Variants in FUT8 observed in about 807,000 individuals in gnomAD.
FUT8 encodes alpha-(1,6)-fucosyltransferase.
A neutral mutation model predicts 71.3 loss-of-function variants in FUT8; 29 were observed. The ratio of observed to expected loss-of-function variants is 0.41; its 90% CI spans 0.30 to 0.55. FUT8 has a LOEUF of 0.55. Among genes scored for constraint, FUT8 ranks in the 20% least tolerant of loss-of-function variants. The pLI is 0.34. For synonymous variants in FUT8, 254 were observed against 239.3 expected (o/e 1.06, Z -0.57); for missense variants, 544 against 702.1 (o/e 0.77, Z 2.55).
rs1050079840 is a variant in FUT8, at chr14:65,701,339, G to A, written c.836-20436G>A. On this transcript the variant is annotated intron_variant, in intron 7 of 10. Transcript: ENST00000673929. The stretch of plus-strand genomic sequence containing the variant: ...GTGCTTTAATGTTTAATGGTTGGAA[G>A]TAAGTGTTTAAATAGATAATAGGAA... Among the ~76,000 whole-genome samples the A allele has an allele frequency of 3.3e-5, 5 of 152,190 alleles. No individual in the cohort carries two copies. The East Asian group carries it at 7.7e-4, about 23-fold the overall frequency.
At chr14:65,395,983 G>T in the FUT8 span, among the ~76,000 whole-genome samples, 1 of 152,144 alleles carries the variant, frequency 6.6e-6, no homozygotes, top group Admixed American at 6.5e-5. Flanking sequence ...AGTTCCACAA[G>T]TCTCTAGGGC....
At chr14:65,599,811 GC>G (rs1338357781) in intron 3 of FUT8, among the ~76,000 whole-genome samples, 1 of 152,114 alleles carries the variant, frequency 6.6e-6, no homozygotes, top group Non-Finnish European at 1.5e-5. Context: ...TCTTAATAAA[GC>G]CATTAACTAC....
intron 7 of FUT8, among the ~76,000 whole-genome samples, chr14:65,680,948 C>T (rs933038363): frequency 6.6e-6 from 1 of 152,300 alleles, no homozygotes; most frequent in Non-Finnish European, 1.5e-5. Context: ...AAATGTATTC[C>T]TTGAAAGTTT....
chr14:65,696,712 C>G (rs1003015270), intron 7 of FUT8, among the ~76,000 whole-genome samples: 3 of 152,012 alleles, frequency 2.0e-5, no homozygotes, highest in African/African-American at 7.2e-5. Flanking sequence ...TGTATGTCCA[C>G]CTTTTGTAAA....
intron 10 of FUT8, 91 bp from the exon 11 acceptor site, chr14:65,742,002 C>T (rs1457380497): frequency 9.8e-7 from 1 of 1,023,040 alleles, no homozygotes; most frequent in Admixed American, 2.1e-5. Flanking sequence ...ACCTCTTACT[C>T]CTAGAGCCCA....
At chr14:65,740,250 G>A (rs1460715159) in intron 10 of FUT8, among the ~76,000 whole-genome samples, 3 of 151,918 alleles carry the variant, frequency 2.0e-5, no homozygotes, top group Non-Finnish European at 2.9e-5. Flanking sequence ...ATATCTAGTT[G>A]AAATTCTATC....
chr14:65,385,074 T>C, the FUT8 span, among the ~76,000 whole-genome samples: 2 of 151,870 alleles, frequency 1.3e-5, no homozygotes, highest in Non-Finnish European at 2.9e-5. Flanking sequence ...TTTTTATGTA[T>C]TTTTAGTAGA....
chr14:65,681,964 C>T (rs1014424324), intron 7 of FUT8, among the ~76,000 whole-genome samples: 5 of 152,086 alleles, frequency 3.3e-5, no homozygotes, highest in African/African-American at 7.2e-5. Context: ...TTTTGTAAGG[C>T]CTGCCATATT....
chr14:65,554,937 T>A (rs1464158802), intron 2 of FUT8, among the ~76,000 whole-genome samples: 1 of 152,198 alleles, frequency 6.6e-6, no homozygotes, highest in African/African-American at 2.4e-5. Context: ...GGCAGATAAT[T>A]TACTTTTGGA....
chr14:65,474,276 T>G (rs1356728524), intron 2 of FUT8, among the ~76,000 whole-genome samples: 1 of 151,344 alleles, frequency 6.6e-6, no homozygotes, highest in Non-Finnish European at 1.5e-5. Flanking sequence ...AAACCACTTG[T>G]ACTCCAAAAG....
chr14:65,554,830 T>G (rs576717056), intron 2 of FUT8, among the ~76,000 whole-genome samples: 1 of 152,326 alleles, frequency 6.6e-6, no homozygotes, highest in East Asian at 1.9e-4. Context: ...TGACCTCTGT[T>G]CATATTCTTT....
chr14:65,721,724 G>C, intron 7 of FUT8, 51 bp from the exon 8 acceptor site: 1 of 1,575,642 alleles, frequency 6.3e-7, no homozygotes, highest in Non-Finnish European at 8.7e-7. Flanking sequence ...TTGAATGGTG[G>C]ATGTATAAGG....
chr14:65,622,955 GCTGGAGCACAGTGGTGCAAAAACGAC>G (rs1889702627), intron 5 of FUT8, among the ~76,000 whole-genome samples: 1 of 140,466 alleles, frequency 7.1e-6, no homozygotes, highest in Non-Finnish European at 1.5e-5. Flanking sequence ...TGTCACCCAG[GCTGGAGCACAGTGGTGCAAAAACGAC>G]CTGGGCTAAA....
At position 65,489,699 on chromosome 14, in the gene FUT8, G is replaced by A. The variant is rs936559733; in HGVS notation, c.-228+33981G>A. On this transcript the variant is annotated intron_variant, in intron 2 of 10. Coordinates refer to ENST00000673929, the MANE Select transcript of FUT8 (RefSeq NM_001371533.1). The surrounding 1 kb of genome is among the most constrained non-coding windows in gnomAD (Gnocchi z 4.0). ...TGTTGTAACTTTTTTTGAGTAAAAT[G>A]CATCATTAGAAAATGTATTTGGAAT... 6.6e-6 allele frequency among the ~76,000 whole-genome samples: 1 copy of A among 152,028 alleles called. No individual in the cohort carries two copies. Among genetic ancestry groups the A allele is most frequent in the Non-Finnish European group, 1.5e-5 (1 of 67,960 alleles).
intron 9 of FUT8, among the ~76,000 whole-genome samples, chr14:65,729,362 T>C (rs1204949643): frequency 6.6e-6 from 1 of 152,132 alleles, no homozygotes; most frequent in Non-Finnish European, 1.5e-5. Flanking sequence ...TGTACAGATA[T>C]GCCGTTGCTT....
intron 2 of FUT8, among the ~76,000 whole-genome samples, chr14:65,554,429 T>G (rs1432574778): frequency 1.1e-5 from 1 of 93,036 alleles, no homozygotes; most frequent in Non-Finnish European, 2.3e-5. Flanking sequence ...TATCTATATA[T>G]ATATTATATA....
chr14:65,668,577 T>C (rs1892324892), intron 6 of FUT8, among the ~76,000 whole-genome samples: 1 of 152,148 alleles, frequency 6.6e-6, no homozygotes, highest in Non-Finnish European at 1.5e-5. Context: ...ATTTATACAT[T>C]GCCAGTGGAA....
At chr14:65,650,324 A>C (rs1230539721) in intron 6 of FUT8, among the ~76,000 whole-genome samples, 5 of 147,380 alleles carry the variant, frequency 3.4e-5, no homozygotes, top group South Asian at 2.2e-4. Flanking sequence ...AAAAAAAAAA[A>C]AAACCTGAGA....
chr14:65,672,931 A>G (rs1892538771), intron 7 of FUT8, among the ~76,000 whole-genome samples: 1 of 152,212 alleles, frequency 6.6e-6, no homozygotes. Flanking sequence ...TTCCTTGTAA[A>G]AATTAAAAAT....
Sources: gnomAD v4.1 joint callset for allele counts (sites outside exome capture counted in the v4.1 genomes callset) on GRCh38, gnomAD v4.1.1 for gene constraint, Gnocchi (gnomAD v3.1) non-coding constraint, MANE v1.5 for transcripts, NCBI Gene and HGNC (gene_info 2026-07-23, HGNC 2026-07-21) for gene names.